The following TOX variants were observed in gnomAD, a reference collection of about 807,000 sequenced individuals.
TOX encodes thymocyte selection-associated high mobility group box protein TOX.
Under a neutral mutation model 53.7 loss-of-function variants are expected in TOX, and 11 were observed. That is an observed-to-expected ratio of 0.20 (90% CI 0.13 to 0.34). The LOEUF is 0.34. Ranked by LOEUF, TOX falls within the 10% of genes least tolerant of loss-of-function variation. The pLI, the probability that TOX is intolerant of heterozygous loss-of-function variation, is 1.00. For synonymous variants in TOX, 225 were observed against 245.3 expected, an observed-to-expected ratio of 0.92 and a Z score of 0.77; for missense variants, 570 against 664.6, an observed-to-expected ratio of 0.86 and a Z score of 1.56.
At chr8:58,890,623 A>G (rs964424294) in intron 3 of TOX, among the ~76,000 whole-genome samples, 4 of 152,154 alleles carry the variant, frequency 2.6e-5, no homozygotes, top group Admixed American at 2.6e-4. Flanking sequence ...GCTATGAGAG[A>G]AAGGTCTTAG....
At chr8:58,976,397 C>T (rs560174434) in intron 1 of TOX, among the ~76,000 whole-genome samples, 2 of 152,212 alleles carry the variant, frequency 1.3e-5, no homozygotes, top group Admixed American at 6.5e-5. Flanking sequence ...CATGTTTAGG[C>T]TCTACTTCTA....
chr8:58,964,459 C>T lies in TOX; in HGVS notation c.103-4451G>A, dbSNP rs1336786585. On this transcript the variant is annotated intron_variant, in intron 1 of 8. Transcript: ENST00000361421. Reference sequence around the variant, plus strand: ...GGTTAATATTATCACTGCACTGTCACAGCTCCGTCCAACCACACCCTGACC... The same window carrying T: ...GGTTAATATTATCACTGCACTGTCATAGCTCCGTCCAACCACACCCTGACC... Among the ~76,000 whole-genome samples the T allele has an allele frequency of 2.6e-5, 4 of 152,104 alleles. No individual in the cohort carries two copies. In the East Asian group the frequency reaches 5.8e-4, roughly 22 times the overall value.
At chr8:58,990,905 G>C (rs1162038339) in intron 1 of TOX, among the ~76,000 whole-genome samples, 1 of 152,154 alleles carries the variant, frequency 6.6e-6, no homozygotes, top group Non-Finnish European at 1.5e-5. Context: ...ATCACCTTTA[G>C]CTCCTCAAAA....
At chr8:58,862,117 T>G (rs1811021831) in intron 3 of TOX, among the ~76,000 whole-genome samples, 1 of 152,140 alleles carries the variant, frequency 6.6e-6, no homozygotes, top group African/African-American at 2.4e-5. Flanking sequence ...TTATAAAACA[T>G]TAAAATAGCA....
rs1484221063 is a variant in TOX, at chr8:58,805,574, C to T, written c.*2173G>A. Reference sequence around the variant, plus strand: ...GCACTGTGCTTTCCTGCACAAACCGCCTGTCAAAGTCAAAGCTGCTCATTC... The same window carrying T: ...GCACTGTGCTTTCCTGCACAAACCGTCTGTCAAAGTCAAAGCTGCTCATTC... On this transcript the variant is annotated 3_prime_UTR_variant, in exon 9 of 9. Coordinates refer to ENST00000361421, the MANE Select transcript of TOX (RefSeq NM_014729.3). 2 of 152,640 alleles carry T rather than the reference C, an allele frequency of 1.3e-5. No individual in the cohort carries two copies. The highest frequency in any genetic ancestry group is 2.9e-5 in the Non-Finnish European group (2 of 68,052). 9.5% of individuals were successfully genotyped at this position (152,640 alleles called of 1,614,324 possible).
At chr8:58,813,306 A>T (rs568105391) in intron 7 of TOX, among the ~76,000 whole-genome samples, 3 of 152,218 alleles carry the variant, frequency 2.0e-5, no homozygotes, top group Non-Finnish European at 4.4e-5. Flanking sequence ...TCTGATTGAT[A>T]AATCAGAAAA....
intron 6 of TOX, among the ~76,000 whole-genome samples, chr8:58,821,521 T>C (rs2129165271): frequency 6.6e-6 from 1 of 152,238 alleles, no homozygotes; most frequent in East Asian, 1.9e-4. Context: ...TGACTCTAGG[T>C]CCAATGTTGT....
At chr8:59,052,242 A>G (rs1803804869) in intron 1 of TOX, among the ~76,000 whole-genome samples, 1 of 152,210 alleles carries the variant, frequency 6.6e-6, no homozygotes, top group African/African-American at 2.4e-5. Flanking sequence ...TTTTCCTACA[A>G]TTAAACTTAC....
At chr8:59,110,127 C>T (rs1482667973) in intron 1 of TOX, among the ~76,000 whole-genome samples, 1 of 152,088 alleles carries the variant, frequency 6.6e-6, no homozygotes, top group East Asian at 1.9e-4. Flanking sequence ...CTGAACATAG[C>T]TCTGAGAGTC....
At chr8:59,080,732 C>A (rs866518752) in intron 1 of TOX, among the ~76,000 whole-genome samples, 3 of 152,074 alleles carry the variant, frequency 2.0e-5, no homozygotes, top group Non-Finnish European at 2.9e-5. Flanking sequence ...GCACCTTCCC[C>A]CCGACCCTCT....
At chr8:58,990,554 A>T (rs1012672531) in intron 1 of TOX, among the ~76,000 whole-genome samples, 13 of 152,270 alleles carry the variant, frequency 8.5e-5, no homozygotes, top group African/African-American at 3.1e-4. Context: ...TTTCCTCTAC[A>T]TATCATACTT....
intron 1 of TOX, among the ~76,000 whole-genome samples, chr8:58,972,668 G>C (rs1286213470): frequency 6.6e-6 from 1 of 152,004 alleles, no homozygotes; most frequent in Non-Finnish European, 1.5e-5. Flanking sequence ...AGATACTTAA[G>C]CTGTTTCAGT....
intron 1 of TOX, among the ~76,000 whole-genome samples, chr8:59,023,980 C>G (rs1052912056): frequency 1.3e-5 from 2 of 152,052 alleles, no homozygotes; most frequent in Non-Finnish European, 2.9e-5. Context: ...ATAGTTTTCA[C>G]TACAATCAAG....
At chr8:58,817,755 G>C (rs979260657) in intron 6 of TOX, among the ~76,000 whole-genome samples, 3 of 151,996 alleles carry the variant, frequency 2.0e-5, no homozygotes, top group Non-Finnish European at 2.9e-5. Context: ...ATACATATTG[G>C]TGCATCTTTA....
chr8:58,912,922 G>A (rs1232796533), intron 3 of TOX, among the ~76,000 whole-genome samples: 1 of 152,146 alleles, frequency 6.6e-6, no homozygotes, highest in Admixed American at 6.5e-5. Context: ...TGACTTAGGA[G>A]AGAAATGACA....
intron 1 of TOX, among the ~76,000 whole-genome samples, chr8:58,967,417 A>C (rs751151031): frequency 2.6e-5 from 4 of 152,188 alleles, no homozygotes; most frequent in Non-Finnish European, 4.4e-5. Context: ...CATGCTCCCC[A>C]GATCTGCTCA....
At chr8:58,912,861 G>A (rs562620778) in intron 3 of TOX, among the ~76,000 whole-genome samples, 1 of 152,128 alleles carries the variant, frequency 6.6e-6, no homozygotes. Context: ...CAACATACTT[G>A]AGTCATGCTT....
At chr8:59,087,519 G>C (rs1221667870) in intron 1 of TOX, among the ~76,000 whole-genome samples, 1 of 152,134 alleles carries the variant, frequency 6.6e-6, no homozygotes, top group Non-Finnish European at 1.5e-5. Context: ...CTCCAGGTCT[G>C]TCCCCCCCTT....
chr8:58,858,181 A>G (rs1313228233), intron 3 of TOX, among the ~76,000 whole-genome samples: 1 of 152,220 alleles, frequency 6.6e-6, no homozygotes, highest in Non-Finnish European at 1.5e-5. Flanking sequence ...GTGAAAAAAA[A>G]ATCCTTGGAA....
Sources: allele counts gnomAD v4.1 joint callset (sites outside exome capture counted in the v4.1 genomes callset), GRCh38; gene constraint gnomAD v4.1.1; transcripts MANE v1.5; gene names NCBI Gene and HGNC (gene_info 2026-07-23, HGNC 2026-07-21).